The following CNTNAP2 variants were observed in gnomAD, a reference collection of about 807,000 sequenced individuals.
The protein encoded by CNTNAP2 is contactin associated protein 2.
A neutral mutation model predicts 155.2 loss-of-function variants in CNTNAP2; 98 were observed. The ratio of observed to expected loss-of-function variants is 0.63; its 90% CI spans 0.54 to 0.75. CNTNAP2 has a LOEUF of 0.75. Ranked by LOEUF, CNTNAP2 falls within the 30% of genes least tolerant of loss-of-function variation. The pLI, the probability that CNTNAP2 is intolerant of heterozygous loss-of-function variation, is 0.00. For synonymous variants in CNTNAP2, 651 were observed against 631.2 expected, an observed-to-expected ratio of 1.03 and a Z score of -0.47; for missense variants, 1,727 against 1,688.1, an observed-to-expected ratio of 1.02 and a Z score of -0.40.
intron 3 of CNTNAP2, among the ~76,000 whole-genome samples, chr7:146,996,666 T>G (rs945525066): frequency 6.6e-6 from 1 of 152,086 alleles, no homozygotes; most frequent in Non-Finnish European, 1.5e-5. Context: ...CAAGGATACT[T>G]TAACTTTTTT....
intron 1 of CNTNAP2, among the ~76,000 whole-genome samples, chr7:146,679,569 C>A (rs1291097815): frequency 2.6e-5 from 4 of 152,062 alleles, no homozygotes; most frequent in Middle Eastern, 3.4e-3. Flanking sequence ...GTTGGCCAGG[C>A]TGGTCTCGAA....
At chr7:146,288,861 G>A (rs1461344701) in intron 1 of CNTNAP2, among the ~76,000 whole-genome samples, 1 of 130,332 alleles carries the variant, frequency 7.7e-6, no homozygotes, top group Non-Finnish European at 1.5e-5. Context: ...CTGGAGTGTA[G>A]TGGTGCACTC....
intron 1 of CNTNAP2, among the ~76,000 whole-genome samples, chr7:146,470,552 G>A (rs1796782778): frequency 6.6e-6 from 1 of 151,764 alleles, no homozygotes; most frequent in Non-Finnish European, 1.5e-5. Flanking sequence ...ATCCCTAACT[G>A]CCATATTTTA....
At chr7:147,557,074 G>T (rs1457845659) in intron 11 of CNTNAP2, among the ~76,000 whole-genome samples, 4 of 151,964 alleles carry the variant, frequency 2.6e-5, no homozygotes, top group African/African-American at 9.7e-5. Context: ...GACCAGCTTG[G>T]CCAACATGGT....
intron 1 of CNTNAP2, among the ~76,000 whole-genome samples, chr7:146,439,812 A>G (rs1029979070): frequency 1.3e-5 from 2 of 151,546 alleles, no homozygotes; most frequent in East Asian, 3.9e-4. Context: ...TGGATTTATG[A>G]AACAATCCCA....
intron 1 of CNTNAP2, among the ~76,000 whole-genome samples, chr7:146,246,221 A>T (rs1242306204): frequency 1.3e-5 from 2 of 150,772 alleles, no homozygotes; most frequent in African/African-American, 2.5e-5. Flanking sequence ...AGTATCTTAT[A>T]CTTGTGGGTT....
In CNTNAP2 at chr7:146,695,117, T is replaced by C. The variant is rs74697628; in HGVS notation, c.98-79154T>C. Among the ~76,000 whole-genome samples, 1,374 of 152,242 alleles carry C rather than the reference T, an allele frequency of 9.0e-3. 23 individuals carry two copies. Among genetic ancestry groups the C allele is most frequent in the African/African-American group, 0.031 (1,274 of 41,560 alleles). ...GCATAAGCTAGTACTTTCATGACAA[T>C]GTTGAATAGGAGTGGTGAGACCAGA... is the stretch of plus-strand genomic sequence containing the variant. On this transcript the variant is annotated intron_variant, in intron 1 of 23. Coordinates refer to ENST00000361727, the MANE Select transcript of CNTNAP2 (RefSeq NM_014141.6).
At chr7:147,707,238 A>G (rs991893879) in intron 13 of CNTNAP2, among the ~76,000 whole-genome samples, 5 of 152,096 alleles carry the variant, frequency 3.3e-5, no homozygotes, top group African/African-American at 1.2e-4. Context: ...TGGTGTAAAC[A>G]TTTCTTCTTC....
At chr7:146,387,291 C>T (rs1211844892) in intron 1 of CNTNAP2, among the ~76,000 whole-genome samples, 1 of 152,112 alleles carries the variant, frequency 6.6e-6, no homozygotes, top group South Asian at 2.1e-4. Flanking sequence ...CTATTCAACC[C>T]AAAACCACCA....
chr7:146,594,905 C>T (rs1798836334), intron 1 of CNTNAP2, among the ~76,000 whole-genome samples: 1 of 152,070 alleles, frequency 6.6e-6, no homozygotes, highest in Admixed American at 6.6e-5. Context: ...TAATTACCAA[C>T]ATGACAACGC....
chr7:146,529,148 G>A (rs1416771731), intron 1 of CNTNAP2, among the ~76,000 whole-genome samples: 2 of 152,082 alleles, frequency 1.3e-5, no homozygotes, highest in African/African-American at 4.8e-5. Flanking sequence ...GTTTTCTTAT[G>A]CATTTTTTAT....
intron 4 of CNTNAP2, among the ~76,000 whole-genome samples, chr7:147,061,193 G>C (rs1799663182): frequency 6.6e-6 from 1 of 152,016 alleles, no homozygotes; most frequent in African/African-American, 2.4e-5. Context: ...CTAGGAATGT[G>C]CTACACACCA....
chr7:146,821,637 C>A (rs971377855), intron 2 of CNTNAP2, among the ~76,000 whole-genome samples: 5 of 152,026 alleles, frequency 3.3e-5, no homozygotes, highest in Admixed American at 6.6e-5. Flanking sequence ...AAAAAACAAA[C>A]AACCCCATCA....
At chr7:146,415,199 G>A (rs1281608131) in intron 1 of CNTNAP2, among the ~76,000 whole-genome samples, 1 of 151,940 alleles carries the variant, frequency 6.6e-6, no homozygotes, top group Non-Finnish European at 1.5e-5. Context: ...CTCTGCATCA[G>A]GGAGAAACAC....
At chr7:146,160,036 A>G (rs1204874501) in intron 1 of CNTNAP2, among the ~76,000 whole-genome samples, 2 of 151,902 alleles carry the variant, frequency 1.3e-5, no homozygotes, top group Non-Finnish European at 2.9e-5. Flanking sequence ...GGATTAAGAA[A>G]CTCACTCCAA....
In CNTNAP2 at chr7:146,931,274, T is replaced by G. The variant is rs1465268154; in HGVS notation, c.402+91370T>G. ...GTGCAATCAAACCAGAAATCAGGATTAAGAAACTCACTCAAAACCGCTCAA... is the reference window on the plus strand; with the variant it reads ...GTGCAATCAAACCAGAAATCAGGATGAAGAAACTCACTCAAAACCGCTCAA... On this transcript the variant is annotated intron_variant, in intron 3 of 23. Transcript: ENST00000361727. Among the ~76,000 whole-genome samples the G allele has an allele frequency of 2.0e-5, 3 of 152,242 alleles. No homozygotes were observed. In the East Asian group the frequency reaches 5.8e-4, roughly 29 times the overall value.
At chr7:146,152,304 T>A (rs1295770124) in intron 1 of CNTNAP2, among the ~76,000 whole-genome samples, 1 of 152,194 alleles carries the variant, frequency 6.6e-6, no homozygotes, top group East Asian at 1.9e-4. Flanking sequence ...ATATGTAGAA[T>A]GTAAAGAAGT....
intron 2 of CNTNAP2, among the ~76,000 whole-genome samples, chr7:146,828,713 T>C (rs964590095): frequency 6.6e-6 from 1 of 152,134 alleles, no homozygotes; most frequent in African/African-American, 2.4e-5. Context: ...TTATACATCA[T>C]TTATACTGTT....
intron 9 of CNTNAP2, among the ~76,000 whole-genome samples, chr7:147,386,491 T>A (rs1796628120): frequency 6.6e-6 from 1 of 152,138 alleles, no homozygotes; most frequent in South Asian, 2.1e-4. Flanking sequence ...CTAAATCACC[T>A]ATCTGAAGTT....
Sources: gnomAD v4.1 joint callset for allele counts (sites outside exome capture counted in the v4.1 genomes callset) on GRCh38, gnomAD v4.1.1 for gene constraint, MANE v1.5 for transcripts, NCBI Gene and HGNC (gene_info 2026-07-23, HGNC 2026-07-21) for gene names.